The following EXOC4 variants were observed in gnomAD, a reference collection of about 807,000 sequenced individuals.
EXOC4 encodes exocyst complex component 4.
A neutral mutation model predicts 107.2 loss-of-function variants in EXOC4; 71 were observed. The observed-to-expected ratio is 0.66, with a 90% CI of 0.55 to 0.81. The LOEUF is 0.81. Among genes scored for constraint, EXOC4 ranks in the 30% least tolerant of loss-of-function variants. The pLI, the probability that EXOC4 is intolerant of heterozygous loss-of-function variation, is 0.00. For missense variants in EXOC4, 1,108 were observed against 1,189.6 expected (o/e 0.93, Z 1.01); for synonymous variants, 456 against 441.2 (o/e 1.03, Z -0.42).
At chr7:133,941,025 CTT>C (rs774809098) in intron 14 of EXOC4, among the ~76,000 whole-genome samples, 2 of 143,870 alleles carry the variant, frequency 1.4e-5, no homozygotes. Flanking sequence ...TTCTTTTTTT[CTT>C]TTTTTTTTTT....
chr7:133,402,936 G>A (rs1797124814), intron 7 of EXOC4, among the ~76,000 whole-genome samples: 1 of 146,108 alleles, frequency 6.8e-6, no homozygotes, highest in Admixed American at 7.0e-5. Flanking sequence ...CCAGGCTAGA[G>A]AGCAGTGGAA....
intron 15 of EXOC4, among the ~76,000 whole-genome samples, chr7:133,998,319 T>C (rs1794443623): frequency 6.6e-6 from 1 of 152,314 alleles, no homozygotes; most frequent in East Asian, 1.9e-4. Flanking sequence ...GCTTGGTAGC[T>C]ACATGTGCCC....
intron 1 of EXOC4, 96 bp downstream of exon 1, chr7:133,253,283 C>CCCTT (rs3841448): frequency 0.28 from 405,100 of 1,461,630 alleles, 63,474 homozygotes; most frequent in African/African-American, 0.66. Flanking sequence ...ACCCTGCTCT[C>CCCTT]CCCTTTCCTC....
At chr7:133,790,536 G>C (rs1352208937) in intron 10 of EXOC4, among the ~76,000 whole-genome samples, 1 of 152,220 alleles carries the variant, frequency 6.6e-6, no homozygotes, top group East Asian at 1.9e-4. Flanking sequence ...GCTATCACAA[G>C]TTCACATGTT....
chr7:133,532,598 T>G (rs1800201121), intron 9 of EXOC4, among the ~76,000 whole-genome samples: 1 of 152,100 alleles, frequency 6.6e-6, no homozygotes, highest in Non-Finnish European at 1.5e-5. Context: ...AATACCTGTT[T>G]CTTCTAGAAG....
chr7:133,906,053 A>G (rs150182199), intron 12 of EXOC4, among the ~76,000 whole-genome samples: 66 of 152,292 alleles, frequency 4.3e-4, no homozygotes, highest in African/African-American at 1.5e-3. Flanking sequence ...AATGGGCAGG[A>G]AAGGAGAAAT....
chr7:133,717,361 T>C (rs1795019394), intron 10 of EXOC4, among the ~76,000 whole-genome samples: 1 of 152,214 alleles, frequency 6.6e-6, no homozygotes, highest in South Asian at 2.1e-4. Context: ...TCTCATTCAG[T>C]TGTAAGTGTT....
chr7:133,825,367 A>AAAAT (rs766654218), intron 11 of EXOC4, among the ~76,000 whole-genome samples: 38 of 151,990 alleles, frequency 2.5e-4, no homozygotes, highest in South Asian at 6.2e-4. Context: ...TCTGTCTCTA[A>AAAAT]AAATAAATAA....
intron 10 of EXOC4, among the ~76,000 whole-genome samples, chr7:133,700,327 G>A (rs1794628947): frequency 6.6e-6 from 1 of 151,980 alleles, no homozygotes; most frequent in African/African-American, 2.4e-5. Context: ...TTTTTTTAAG[G>A]ATGTAATTTG....
intron 7 of EXOC4, among the ~76,000 whole-genome samples, chr7:133,387,650 A>G (rs1339817818): frequency 6.6e-6 from 1 of 152,176 alleles, no homozygotes; most frequent in Non-Finnish European, 1.5e-5. Context: ...TAAGGCTTAT[A>G]TTGATGAGAT....
intron 9 of EXOC4, among the ~76,000 whole-genome samples, chr7:133,526,320 G>A (rs1053328339): frequency 6.6e-6 from 1 of 152,080 alleles, no homozygotes; most frequent in African/African-American, 2.4e-5. Context: ...AAATCTTGAT[G>A]ACTCTTTCTT....
intron 11 of EXOC4, among the ~76,000 whole-genome samples, chr7:133,880,441 A>C (rs993177726): frequency 3.9e-5 from 6 of 152,144 alleles, no homozygotes; most frequent in African/African-American, 1.2e-4. Context: ...ATTTCTTATA[A>C]ATGCTAATGC....
At chr7:133,739,273 G>T (rs1795513843) in intron 10 of EXOC4, among the ~76,000 whole-genome samples, 1 of 142,112 alleles carries the variant, frequency 7.0e-6, no homozygotes, top group South Asian at 2.3e-4. Context: ...TATAAAAAGA[G>T]ATTTGTTTCA....
At chr7:134,010,558 G>A (rs1794739988) in intron 17 of EXOC4, among the ~76,000 whole-genome samples, 2 of 152,074 alleles carry the variant, frequency 1.3e-5, no homozygotes, top group African/African-American at 2.4e-5. Flanking sequence ...TACCATATTT[G>A]AAGCTATGTA....
At chr7:133,519,432 G>C (rs995015074) in intron 9 of EXOC4, among the ~76,000 whole-genome samples, 1 of 151,776 alleles carries the variant, frequency 6.6e-6, no homozygotes, top group Non-Finnish European at 1.5e-5. Context: ...TAAAAAAAAG[G>C]AAGTATTAGT....
chr7:133,878,411 T>G (rs955850888), intron 11 of EXOC4, among the ~76,000 whole-genome samples: 1 of 152,250 alleles, frequency 6.6e-6, no homozygotes, highest in African/African-American at 2.4e-5. Context: ...TTTGTCTGAT[T>G]GCTTCCTCTA....
At chr7:133,765,268 T>G (rs1796112516) in intron 10 of EXOC4, among the ~76,000 whole-genome samples, 1 of 152,102 alleles carries the variant, frequency 6.6e-6, no homozygotes, top group South Asian at 2.1e-4. Context: ...GGATTTAACA[T>G]TTAAATGAAA....
At chr7:133,642,313 C>T (rs986814899) in intron 10 of EXOC4, among the ~76,000 whole-genome samples, 2 of 152,102 alleles carry the variant, frequency 1.3e-5, no homozygotes, top group African/African-American at 4.8e-5. Context: ...TCCACTAATG[C>T]TAAATTTCTT....
chr7:133,962,837 TAATTAA>T (rs1261835859), intron 14 of EXOC4, among the ~76,000 whole-genome samples: 1 of 152,232 alleles, frequency 6.6e-6, no homozygotes, highest in Non-Finnish European at 1.5e-5. Context: ...GGGTGTCATT[TAATTAA>T]AATATGTATT....
Sources: allele counts gnomAD v4.1 joint callset (sites outside exome capture counted in the v4.1 genomes callset), GRCh38; gene constraint gnomAD v4.1.1; transcripts MANE v1.5; gene names NCBI Gene and HGNC (gene_info 2026-07-23, HGNC 2026-07-21).